The following CDC42SE2 variants were observed in gnomAD, a reference collection of about 807,000 sequenced individuals.
CDC42SE2 encodes CDC42 small effector protein 2.
In CDC42SE2, 3 loss-of-function variants were observed where a neutral mutation model predicts 11.5. The ratio of observed to expected loss-of-function variants is 0.26; its 90% confidence interval spans 0.12 to 0.67. The LOEUF is 0.67. Among genes scored for constraint, CDC42SE2 ranks in the 30% least tolerant of loss-of-function variants. The pLI is 0.80. For synonymous variants in CDC42SE2, 33 were observed against 34.8 expected (o/e 0.95, Z 0.18); for missense variants, 82 against 106.8 (o/e 0.77, Z 1.02).
At chr5:131,390,296 G>A (rs1750611158) in intron 4 of CDC42SE2, among the ~76,000 whole-genome samples, 1 of 152,102 alleles carries the variant, frequency 6.6e-6, no homozygotes, top group Non-Finnish European at 1.5e-5. Context: ...TTTTATTCAT[G>A]CTTATTTTCT....
intron 1 of CDC42SE2, among the ~76,000 whole-genome samples, chr5:131,276,033 T>C (rs1402125629): frequency 6.6e-6 from 1 of 152,054 alleles, no homozygotes; most frequent in Non-Finnish European, 1.5e-5. Context: ...TACTGATAGT[T>C]GGGAAATGAA....
chr5:131,377,398 AGCTCAGGCAGTCCGCCCGCC>A (rs2149784126), intron 3 of CDC42SE2, among the ~76,000 whole-genome samples: 1 of 152,092 alleles, frequency 6.6e-6, no homozygotes, highest in South Asian at 2.1e-4. Flanking sequence ...CGAACTCCTG[AGCTCAGGCAGTCCGCCCGCC>A]TCAGCCTCCC....
At chr5:131,335,397 A>C (rs1185261721) in intron 2 of CDC42SE2, among the ~76,000 whole-genome samples, 6 of 152,170 alleles carry the variant, frequency 3.9e-5, no homozygotes, top group Non-Finnish European at 8.8e-5. Flanking sequence ...GTATGTGGTC[A>C]ATTTTGGAAT....
At chr5:131,242,487 T>A (rs190959339), upstream of CDC42SE2, among the ~76,000 whole-genome samples, 6 of 152,308 alleles carry the variant, frequency 3.9e-5, no homozygotes, top group East Asian at 1.2e-3. Context: ...CATTTCTTCT[T>A]AAAATTTTAT....
the CDC42SE2 span, among the ~76,000 whole-genome samples, chr5:131,227,377 G>A: frequency 8.9e-3 from 1,352 of 152,308 alleles, 17 homozygotes; most frequent in African/African-American, 0.031. Flanking sequence ...GCTCACGCCT[G>A]TAATCTCAGC....
chr5:131,376,822 A>T (rs1398041989), intron 3 of CDC42SE2, among the ~76,000 whole-genome samples: 1 of 152,114 alleles, frequency 6.6e-6, no homozygotes, highest in East Asian at 1.9e-4. Context: ...GACATGGTCT[A>T]GTTCTTTTTT....
rs528866558 is a variant in CDC42SE2, at chr5:131,326,212, C to A, written c.-286+10068C>A. 2.0e-5 allele frequency among the ~76,000 whole-genome samples: 3 copies of A among 151,864 alleles called. No homozygotes were observed. The South Asian group carries it at 6.2e-4, about 32-fold the overall frequency. Reference sequence around the variant, plus strand: ...CTCTGCCTCCCGGGTTCACACCATTCTCCTGCCTCAGCCTCCAGAGTAGCT... The same window carrying A: ...CTCTGCCTCCCGGGTTCACACCATTATCCTGCCTCAGCCTCCAGAGTAGCT... On this transcript the variant is annotated intron_variant, in intron 2 of 4. Coordinates refer to ENST00000505065, the MANE Select transcript of CDC42SE2 (RefSeq NM_001375635.1).
Position 131,250,201 on chromosome 5 carries a change from A to G in CDC42SE2, n.107+4602A>G, listed in dbSNP as rs138391566. ...CAATCATAGCTCCACTTTTTACAAA[A>G]GCAAAAACTTGGAAACAACCCAGAT... On this transcript the variant is annotated intron_variant and non_coding_transcript_variant, in intron 1 of 3. Transcript: ENST00000502840. Among the ~76,000 whole-genome samples the G allele has an allele frequency of 4.2e-3, 634 of 152,340 alleles. 4 individuals carry two copies. The highest frequency in any genetic ancestry group is 0.013 in the African/African-American group (549 of 41,578).
chr5:131,372,712 C>CAA (rs558877464), intron 3 of CDC42SE2, among the ~76,000 whole-genome samples: 1 of 113,328 alleles, frequency 8.8e-6, no homozygotes, highest in Admixed American at 9.2e-5. Flanking sequence ...AACTCTGTCT[C>CAA]AAAAAAAAAA....
At chr5:131,216,401 C>T in the CDC42SE2 span, among the ~76,000 whole-genome samples, 4,070 of 146,350 alleles carry the variant, frequency 0.028, 121 homozygotes, top group African/African-American at 0.07. Flanking sequence ...ACTTGGGAGG[C>T]GGAGATGGAA....
intron 2 of CDC42SE2, among the ~76,000 whole-genome samples, chr5:131,346,248 C>G (rs1367961861): frequency 6.6e-6 from 1 of 152,102 alleles, no homozygotes; most frequent in Non-Finnish European, 1.5e-5. Flanking sequence ...GTGCTGTATT[C>G]AGGAGACCCA....
the CDC42SE2 span, among the ~76,000 whole-genome samples, chr5:131,219,158 G>A: frequency 1.6e-3 from 243 of 152,238 alleles, no homozygotes; most frequent in Middle Eastern, 0.014. Flanking sequence ...TACTAAAAAT[G>A]TTATGCTATG....
chr5:131,314,116 A>G (rs952381632), intron 1 of CDC42SE2, among the ~76,000 whole-genome samples: 7 of 152,218 alleles, frequency 4.6e-5, no homozygotes, highest in Admixed American at 4.6e-4. Flanking sequence ...AACATCATTG[A>G]CTTCATTGAT....
chr5:131,300,318 GA>G (rs1371271334), intron 1 of CDC42SE2, among the ~76,000 whole-genome samples: 9 of 152,136 alleles, frequency 5.9e-5, no homozygotes, highest in African/African-American at 2.2e-4. Flanking sequence ...AGAGAGGTTG[GA>G]AAAGGGGGAC....
At chr5:131,330,214 G>A (rs867337935) in intron 2 of CDC42SE2, among the ~76,000 whole-genome samples, 11 of 152,204 alleles carry the variant, frequency 7.2e-5, no homozygotes, top group South Asian at 2.1e-4. Flanking sequence ...CCAGCATGAC[G>A]GTTTTAGGGT....
chr5:131,310,170 G>T (rs1757872388), intron 1 of CDC42SE2, among the ~76,000 whole-genome samples: 2 of 151,890 alleles, frequency 1.3e-5, no homozygotes, highest in South Asian at 2.1e-4. Flanking sequence ...TGGTTTCAAA[G>T]AACATCTTTA....
chr5:131,298,111 T>G (rs547658819), intron 1 of CDC42SE2, among the ~76,000 whole-genome samples: 172 of 141,386 alleles, frequency 1.2e-3, no homozygotes, highest in African/African-American at 4.5e-3. Context: ...CATCTTTAAA[T>G]TTTTTTTTTT....
chr5:131,313,081 C>T (rs1757964299), intron 1 of CDC42SE2, among the ~76,000 whole-genome samples: 1 of 151,900 alleles, frequency 6.6e-6, no homozygotes, highest in Admixed American at 6.6e-5. Context: ...CTCCCGGGTT[C>T]ACACCATTCT....
At chr5:131,256,009 C>T (rs536384072) in intron 2 of CDC42SE2, among the ~76,000 whole-genome samples, 78 of 152,236 alleles carry the variant, frequency 5.1e-4, no homozygotes, top group African/African-American at 1.7e-3. Flanking sequence ...AACCCATATC[C>T]GCCTGACACT....
Sources: allele counts gnomAD v4.1 joint callset (sites outside exome capture counted in the v4.1 genomes callset), GRCh38; gene constraint gnomAD v4.1.1; transcripts MANE v1.5; gene names NCBI Gene and HGNC (gene_info 2026-07-23, HGNC 2026-07-21).